Variants in PALM2AKAP2 observed in about 807,000 individuals in gnomAD.
PALM2AKAP2 encodes the protein PALM2 and AKAP2 fusion.
A neutral mutation model predicts 71.5 loss-of-function variants in PALM2AKAP2; 37 were observed. The ratio of observed to expected loss-of-function variants is 0.52; its 90% CI spans 0.40 to 0.68. The LOEUF is 0.68. Ranked by LOEUF, PALM2AKAP2 falls within the 30% of genes least tolerant of loss-of-function variation. The probability of loss-of-function intolerance (pLI) is 0.00; values close to 1 mark genes in which losing one functional copy is unlikely to be tolerated. For synonymous variants in PALM2AKAP2, 468 were observed against 478.8 expected (o/e 0.98, Z 0.29); for missense variants, 1,224 against 1,191.8 (o/e 1.03, Z -0.40).
intron 1 of PALM2AKAP2, among the ~76,000 whole-genome samples, chr9:109,704,159 G>GA (rs1396602819): frequency 6.6e-6 from 1 of 152,226 alleles, no homozygotes; most frequent in Non-Finnish European, 1.5e-5. Flanking sequence ...CTCAGGGGCT[G>GA]AAAGAAAGAA....
chr9:109,775,345 C>A (rs1829333603), upstream of PALM2AKAP2, among the ~76,000 whole-genome samples: 1 of 152,346 alleles, frequency 6.6e-6, no homozygotes, highest in East Asian at 1.9e-4. Context: ...AAGCAACATT[C>A]AGCCTAGTTT....
chr9:110,089,599 T>A (rs1017358410), intron 1 of PALM2AKAP2, among the ~76,000 whole-genome samples: 1 of 152,240 alleles, frequency 6.6e-6, no homozygotes, highest in African/African-American at 2.4e-5. Flanking sequence ...AAAATAGGAT[T>A]TTGACTTTTG....
intron 1 of PALM2AKAP2, among the ~76,000 whole-genome samples, chr9:110,116,265 C>T (rs1304226070): frequency 6.6e-6 from 1 of 152,132 alleles, no homozygotes; most frequent in African/African-American, 2.4e-5. Flanking sequence ...CTATGGAAGA[C>T]TAGATTGAAC....
chr9:109,801,263 C>A (rs2131399663), intron 1 of PALM2AKAP2, among the ~76,000 whole-genome samples: 1 of 152,274 alleles, frequency 6.6e-6, no homozygotes, highest in Admixed American at 6.5e-5. Context: ...AAGATACCCC[C>A]AGGGATAGTG....
intron 7 of PALM2AKAP2, among the ~76,000 whole-genome samples, chr9:110,016,931 G>A (rs1048328127): frequency 3.3e-5 from 5 of 152,284 alleles, no homozygotes; most frequent in Admixed American, 6.5e-5. Flanking sequence ...CCAGGCCGGA[G>A]TGCAGTGGTG....
chr9:109,919,297 C>G (rs1339960129), intron 3 of PALM2AKAP2, among the ~76,000 whole-genome samples: 1 of 152,168 alleles, frequency 6.6e-6, no homozygotes, highest in African/African-American at 2.4e-5. Flanking sequence ...ATGCCACAGC[C>G]TGGGAGATGC....
At chr9:110,103,257 C>T (rs949330889) in intron 1 of PALM2AKAP2, among the ~76,000 whole-genome samples, 12 of 152,218 alleles carry the variant, frequency 7.9e-5, no homozygotes, top group Non-Finnish European at 1.5e-5. Flanking sequence ...AGTCTCCACC[C>T]TGTGTCCCCG....
intron 1 of PALM2AKAP2, among the ~76,000 whole-genome samples, chr9:110,110,775 G>A (rs1020804124): frequency 7.2e-5 from 11 of 151,786 alleles, no homozygotes; most frequent in African/African-American, 2.7e-4. Flanking sequence ...TCAAACTCCC[G>A]CCCTCAAATG....
chr9:109,940,944 G>A (rs1371959168), intron 6 of PALM2AKAP2, among the ~76,000 whole-genome samples: 1 of 152,090 alleles, frequency 6.6e-6, no homozygotes, highest in Non-Finnish European at 1.5e-5. Context: ...GGCTGGCAGG[G>A]GTCGGCAAAA....
chr9:109,808,490 T>C (rs895845360), intron 1 of PALM2AKAP2, among the ~76,000 whole-genome samples: 1 of 152,240 alleles, frequency 6.6e-6, no homozygotes, highest in African/African-American at 2.4e-5. Flanking sequence ...AAGAGGTGAC[T>C]TGGGTGCTGT....
intron 1 of PALM2AKAP2, among the ~76,000 whole-genome samples, chr9:110,096,790 T>TG (rs1255270617): frequency 0.01 from 1,219 of 117,084 alleles, 6 homozygotes; most frequent in African/African-American, 0.024. Context: ...TGTGGGGGGT[T>TG]GGGGGGGGGT....
At chr9:109,875,247 C>T (rs1316634591) in intron 2 of PALM2AKAP2, among the ~76,000 whole-genome samples, 1 of 152,240 alleles carries the variant, frequency 6.6e-6, no homozygotes, top group African/African-American at 2.4e-5. Context: ...TCTCAGATCT[C>T]AGCTTGAATG....
At chr9:109,760,121 C>A (rs2118732572) in intron 1 of PALM2AKAP2, among the ~76,000 whole-genome samples, 1 of 152,192 alleles carries the variant, frequency 6.6e-6, no homozygotes, top group East Asian at 1.9e-4. Flanking sequence ...TTGCCTATTC[C>A]AGAATGTTGT....
chr9:109,681,524 A>C (rs1360200956), intron 1 of PALM2AKAP2, among the ~76,000 whole-genome samples: 1 of 152,224 alleles, frequency 6.6e-6, no homozygotes, highest in African/African-American at 2.4e-5. Context: ...TGCAGATAAC[A>C]TACAATCCAG....
chr9:110,098,175 A>G (rs543867434), intron 1 of PALM2AKAP2, among the ~76,000 whole-genome samples: 11 of 151,558 alleles, frequency 7.3e-5, no homozygotes, highest in Admixed American at 5.9e-4. Context: ...GGGAGAGGGG[A>G]GAGGGAATCA....
At chr9:109,710,602 G>A (rs756264230) in intron 1 of PALM2AKAP2, among the ~76,000 whole-genome samples, 9 of 152,190 alleles carry the variant, frequency 5.9e-5, no homozygotes, top group Non-Finnish European at 1.2e-4. Context: ...CACCTTTTGG[G>A]AATGATGATT....
intron 7 of PALM2AKAP2, among the ~76,000 whole-genome samples, chr9:110,028,465 G>A (rs1012919168): frequency 2.3e-4 from 35 of 152,146 alleles, no homozygotes; most frequent in Non-Finnish European, 3.1e-4. Flanking sequence ...ACACCATCTC[G>A]TGTAATCCTC....
chr9:110,065,211 GTTATTTA>G (rs1834052970), intron 1 of PALM2AKAP2, among the ~76,000 whole-genome samples: 1 of 152,082 alleles, frequency 6.6e-6, no homozygotes, highest in Admixed American at 6.6e-5. Context: ...TTTTTTGTCT[GTTATTTA>G]TTATTTATTT....
At chr9:109,708,967 G>A (rs1399181819) in intron 1 of PALM2AKAP2, among the ~76,000 whole-genome samples, 1 of 152,156 alleles carries the variant, frequency 6.6e-6, no homozygotes, top group African/African-American at 2.4e-5. Flanking sequence ...CAACTGCTAA[G>A]GGTAGACCTG....
Sources: gnomAD v4.1 joint callset for allele counts (sites outside exome capture counted in the v4.1 genomes callset) on GRCh38, gnomAD v4.1.1 for gene constraint, MANE v1.5 for transcripts, NCBI Gene and HGNC (gene_info 2026-07-23, HGNC 2026-07-21) for gene names.